ZNF277: variants seen among roughly 807,000 people sequenced by gnomAD.
ZNF277 encodes nuclear receptor-interacting factor 4.
A neutral mutation model predicts 60.7 loss-of-function variants in ZNF277; 55 were observed. The observed-to-expected ratio is 0.91, with a 90% CI of 0.73 to 1.13. The LOEUF is 1.13. Ranked by LOEUF, ZNF277 falls within the 50% of genes most tolerant of loss-of-function variation. The pLI is 0.00. For missense variants in ZNF277, 510 were observed against 523.0 expected (o/e 0.98, Z 0.24); for synonymous variants, 178 against 179.3 (o/e 0.99, Z 0.06).
chr7:112,283,780 A>G (rs188899341), intron 1 of ZNF277, among the ~76,000 whole-genome samples: 6 of 152,322 alleles, frequency 3.9e-5, no homozygotes, highest in Non-Finnish European at 8.8e-5. Flanking sequence ...TTGGGAAAAA[A>G]TAAAGAAAAT....
chr7:112,338,716 G>A (rs1052130645), intron 9 of ZNF277, among the ~76,000 whole-genome samples: 35 of 152,204 alleles, frequency 2.3e-4, no homozygotes, highest in African/African-American at 8.0e-4. Context: ...CCACTAGTAT[G>A]TGTGTATAAT....
chr7:112,208,399 T>C (rs970557580), intron 1 of ZNF277, among the ~76,000 whole-genome samples: 3 of 151,932 alleles, frequency 2.0e-5, no homozygotes, highest in African/African-American at 7.3e-5. Context: ...AAAAAGGATA[T>C]GCCTTTCAAA....
chr7:112,238,636 C>T (rs189263830), intron 1 of ZNF277, among the ~76,000 whole-genome samples: 2 of 150,892 alleles, frequency 1.3e-5, no homozygotes, highest in East Asian at 2.1e-4. Flanking sequence ...TTGCAGCTCC[C>T]GCAGAGACTC....
At chr7:112,228,990 A>G (rs1472197537) in intron 1 of ZNF277, among the ~76,000 whole-genome samples, 1 of 152,236 alleles carries the variant, frequency 6.6e-6, no homozygotes, top group Non-Finnish European at 1.5e-5. Flanking sequence ...AGTTTAAAGC[A>G]TTATATAAAT....
At chr7:112,334,021 T>C (rs1793279961) in intron 7 of ZNF277, among the ~76,000 whole-genome samples, 1 of 152,200 alleles carries the variant, frequency 6.6e-6, no homozygotes, top group Admixed American at 6.5e-5. Context: ...CATTCTTTGA[T>C]TTAAATTTTT....
chr7:112,314,637 A>G (rs1251869026), intron 4 of ZNF277, among the ~76,000 whole-genome samples: 1 of 152,056 alleles, frequency 6.6e-6, no homozygotes, highest in African/African-American at 2.4e-5. Context: ...CTACAAAAAA[A>G]TACAGAAAAT....
At chr7:112,212,462 C>T (rs1014033844) in intron 1 of ZNF277, among the ~76,000 whole-genome samples, 5 of 152,210 alleles carry the variant, frequency 3.3e-5, no homozygotes, top group East Asian at 3.9e-4. Flanking sequence ...TGAAAATATC[C>T]GTATAATACC....
At chr7:112,270,825 A>C (rs184856740) in intron 1 of ZNF277, among the ~76,000 whole-genome samples, 1 of 152,102 alleles carries the variant, frequency 6.6e-6, no homozygotes, top group African/African-American at 2.4e-5. Context: ...GATCATATCA[A>C]GTTTTCATTA....
chr7:112,228,704 A>T (rs1467941805), intron 1 of ZNF277, among the ~76,000 whole-genome samples: 1 of 152,050 alleles, frequency 6.6e-6, no homozygotes, highest in Non-Finnish European at 1.5e-5. Flanking sequence ...TGTACATAGT[A>T]TATGCTAAGT....
intron 1 of ZNF277, among the ~76,000 whole-genome samples, chr7:112,248,835 T>C (rs986038056): frequency 8.5e-5 from 13 of 152,152 alleles, no homozygotes; most frequent in African/African-American, 2.7e-4. Flanking sequence ...TTCCCTGAAT[T>C]CTTAGCTCTT....
chr7:112,318,149 A>G (rs372266368), intron 4 of ZNF277, 33 bp from the exon 5 acceptor site: 1 of 1,567,442 alleles, frequency 6.4e-7, no homozygotes. Flanking sequence ...TTGTGCATTA[A>G]GATAATACCA....
chr7:112,216,054 C>G (rs1821870504), intron 1 of ZNF277, among the ~76,000 whole-genome samples: 1 of 152,154 alleles, frequency 6.6e-6, no homozygotes, highest in Admixed American at 6.5e-5. Flanking sequence ...CTAATTTTCT[C>G]AAATGAAGGA....
intron 1 of ZNF277, among the ~76,000 whole-genome samples, chr7:112,234,461 AC>A (rs1822431858): frequency 6.6e-6 from 1 of 152,280 alleles, no homozygotes; most frequent in South Asian, 2.1e-4. Context: ...GAGCACTGTC[AC>A]ATTCATGAAA....
At chr7:112,222,962 T>C (rs965453825) in intron 1 of ZNF277, among the ~76,000 whole-genome samples, 8 of 152,190 alleles carry the variant, frequency 5.3e-5, no homozygotes, top group Non-Finnish European at 7.3e-5. Context: ...CCTGCATCTT[T>C]CTACCATGCT....
chr7:112,287,527 A>G (rs1221581326), intron 2 of ZNF277: 1 of 145,468 alleles, frequency 6.9e-6, no homozygotes, highest in African/African-American at 2.6e-5. Flanking sequence ...TACTTCTGAG[A>G]CTTTTTTTTT....
intron 5 of ZNF277, among the ~76,000 whole-genome samples, chr7:112,324,060 C>A (rs796792802): frequency 3.9e-5 from 6 of 152,170 alleles, no homozygotes; most frequent in African/African-American, 1.4e-4. Context: ...TTTTAAGGAC[C>A]ATTGTGAATG....
intron 1 of ZNF277, among the ~76,000 whole-genome samples, chr7:112,268,391 G>C (rs1435587371): frequency 6.6e-6 from 1 of 151,628 alleles, no homozygotes; most frequent in African/African-American, 2.4e-5. Context: ...GACTTACCAT[G>C]AGGTAAAGAA....
chr7:112,281,937 G>T (rs1265733344), intron 1 of ZNF277, among the ~76,000 whole-genome samples: 2 of 152,122 alleles, frequency 1.3e-5, no homozygotes, highest in African/African-American at 4.8e-5. Flanking sequence ...GGTTCAAGCA[G>T]TTCTCCTGCC....
intron 1 of ZNF277, among the ~76,000 whole-genome samples, chr7:112,281,637 G>A (rs564845463): frequency 2.7e-4 from 41 of 152,210 alleles, no homozygotes; most frequent in African/African-American, 9.9e-4. Context: ...GTTGGACTAC[G>A]CACAATCTCA....
Sources: allele counts gnomAD v4.1 joint callset (sites outside exome capture counted in the v4.1 genomes callset), GRCh38; gene constraint gnomAD v4.1.1; transcripts MANE v1.5; gene names NCBI Gene and HGNC (gene_info 2026-07-23, HGNC 2026-07-21).